The following NT5C1A variants were observed in gnomAD, a reference collection of about 807,000 sequenced individuals.
NT5C1A encodes 5'-nucleotidase, cytosolic IA.
A neutral mutation model predicts 31.0 loss-of-function variants in NT5C1A; 18 were observed. The ratio of observed to expected loss-of-function variants is 0.58; its 90% CI spans 0.40 to 0.86. NT5C1A has a LOEUF of 0.86. NT5C1A is among the 40% of genes least tolerant of loss of function. The probability of loss-of-function intolerance (pLI) is 0.00; values close to 1 mark genes in which losing one functional copy is unlikely to be tolerated. For missense variants in NT5C1A, 470 were observed against 505.4 expected (o/e 0.93, Z 0.67); for synonymous variants, 185 against 203.6 (o/e 0.91, Z 0.78).
At chr1:39,664,490 CCTCCT>C (rs1646509715) in intron 3 of NT5C1A, among the ~76,000 whole-genome samples, 6 of 2,882 alleles carry the variant, frequency 2.1e-3, no homozygotes, top group East Asian at 8.1e-3. Flanking sequence ...GTGGATTTCT[CCTCCT>C]CTCCTCTCCT....
intron 1 of NT5C1A, among the ~76,000 whole-genome samples, chr1:39,666,848 G>T (rs1646526687): frequency 6.6e-6 from 1 of 152,162 alleles, no homozygotes; most frequent in Non-Finnish European, 1.5e-5. Flanking sequence ...ACTCATTACT[G>T]AAGCAGAAGC....
Position 39,652,118 on chromosome 1 carries a change from C to G in NT5C1A, c.*7003G>C, listed in dbSNP as rs899196312. Among the ~76,000 whole-genome samples the G allele has an allele frequency of 2.1e-5, 3 of 141,494 alleles. No individual in the cohort carries two copies. The highest frequency in any genetic ancestry group is 7.7e-5 in the African/African-American group (3 of 38,916). The allele number at this position is 141,494 out of a possible 152,430, so 92.8% of individuals were successfully genotyped here. A position where few individuals can be genotyped will look rare whatever the true frequency, so the allele number is the denominator to read the frequency against. The stretch of plus-strand genomic sequence containing the variant: ...ACACACAAAGGCTGAGCTAGGTCAT[C>G]TCTGAGGTCTCTTAAATATCCATCA... On this transcript the variant is annotated 3_prime_UTR_variant, in exon 6 of 6. Transcript: ENST00000235628.
intron 5 of NT5C1A, among the ~76,000 whole-genome samples, chr1:39,660,231 C>A (rs896507905): frequency 6.6e-6 from 1 of 152,164 alleles, no homozygotes; most frequent in Non-Finnish European, 1.5e-5. Flanking sequence ...AGAGGCAACT[C>A]GCAAGAACAG....
intron 1 of NT5C1A, among the ~76,000 whole-genome samples, chr1:39,668,525 G>A (rs555801135): frequency 4.6e-5 from 7 of 152,214 alleles, no homozygotes; most frequent in Admixed American, 3.3e-4. Context: ...TTCCAGATGG[G>A]GAAACAGGCC....
rs149348976 is a variant in NT5C1A, at chr1:39,667,393, G to A, written c.136-1157C>T. On this transcript the variant is annotated intron_variant, in intron 1 of 5. Transcript: ENST00000235628. ...CTGGACCTTTATAGTCCCTAGGGAGGATCAGAATATGAGTGCCCAAGGGAT... is the reference window on the plus strand; with the variant it reads ...CTGGACCTTTATAGTCCCTAGGGAGAATCAGAATATGAGTGCCCAAGGGAT... Among the ~76,000 whole-genome samples, 235 of 152,072 alleles carry A rather than the reference G, an allele frequency of 1.5e-3. 2 individuals carry two copies. The highest frequency in any genetic ancestry group is 5.3e-3 in the African/African-American group (221 of 41,462).
intron 2 of NT5C1A, 120 bp downstream of exon 2, chr1:39,665,949 A>T: frequency 1.1e-6 from 1 of 925,150 alleles, no homozygotes; most frequent in Non-Finnish European, 1.6e-6. Flanking sequence ...CAAGCTGTGT[A>T]CCTGTGTGGT....
At chr1:39,663,165 A>T in intron 4 of NT5C1A, 147 bp downstream of exon 4, 1 of 850,966 alleles carries the variant, frequency 1.2e-6, no homozygotes, top group Non-Finnish European at 1.9e-6. Context: ...AGGACAGATT[A>T]TAAGAATTAA....
chr1:39,653,268 A>G lies in NT5C1A; in HGVS notation c.*5853T>C, dbSNP rs80094879. Reference sequence around the variant, plus strand: ...GTGGCCCCCAAGCTGCACATACGCAAATGCCCATGTTATGATGGAAATGGG... The same window carrying G: ...GTGGCCCCCAAGCTGCACATACGCAGATGCCCATGTTATGATGGAAATGGG... On this transcript the variant is annotated 3_prime_UTR_variant, in exon 6 of 6. Coordinates refer to ENST00000235628, the MANE Select transcript of NT5C1A (RefSeq NM_032526.3). Among the ~76,000 whole-genome samples the G allele has an allele frequency of 0.014, 2,150 of 151,946 alleles. 51 individuals are homozygous for G. The highest frequency in any genetic ancestry group is 0.048 in the African/African-American group (1,967 of 41,402).
At chr1:39,663,476 C>A (rs1260214653) in intron 3 of NT5C1A, 42 bp from the exon 4 acceptor site, 3 of 1,610,450 alleles carry the variant, frequency 1.9e-6, no homozygotes, top group East Asian at 2.2e-5. Flanking sequence ...CAGGGTCAAC[C>A]CTGGGCTTCA....
chr1:39,664,116 T>G (rs1254818779), intron 3 of NT5C1A, among the ~76,000 whole-genome samples: 1 of 152,136 alleles, frequency 6.6e-6, no homozygotes, highest in African/African-American at 2.4e-5. Context: ...AAACCAGGCC[T>G]GGTAAACCTA....
intron 5 of NT5C1A, among the ~76,000 whole-genome samples, chr1:39,659,854 C>T (rs1646484241): frequency 6.6e-6 from 1 of 152,138 alleles, no homozygotes; most frequent in Non-Finnish European, 1.5e-5. Flanking sequence ...TGGGCGCCCT[C>T]CAATCAGAAT....
In NT5C1A at chr1:39,659,254, A is replaced by T; in HGVS notation, c.974T>A (p.Ile325Asn). ...ATGGAACATCTGGTCATCAAAGAAGATGTGTGGGCGGATCTTCTCAAGGAG... is the reference window on the plus strand; with the variant it reads ...ATGGAACATCTGGTCATCAAAGAAGTTGTGTGGGCGGATCTTCTCAAGGAG... ...GPLLEKIRPH[I>N]FFDDQMFHVA... The change falls in exon 6 of 6, where the codon ATC becomes AAC. Residue 325 changes from isoleucine to asparagine, a missense_variant. Coordinates refer to ENST00000235628, the MANE Select transcript of NT5C1A (RefSeq NM_032526.3). 6.2e-7 allele frequency: 1 copy of T among 1,614,118 alleles called. No individual in the cohort carries two copies. The highest frequency in any genetic ancestry group is 2.2e-5 in the East Asian group (1 of 44,884).
At chr1:39,669,505 G>T (rs915089568) in intron 1 of NT5C1A, among the ~76,000 whole-genome samples, 23 of 152,168 alleles carry the variant, frequency 1.5e-4, no homozygotes, top group Non-Finnish European at 1.5e-4. Context: ...CCCAGGCCAG[G>T]CCATGATGGG....
At position 39,661,224 on chromosome 1, in the gene NT5C1A, A is replaced by C. The variant is rs770623722; in HGVS notation, c.596T>G (p.Val199Gly). ...GCGCAGCTGACTCTGGGACACAACC[A>C]CATCCCTGCTGGGGCTGAAGATGGT... ...AATIFSPSRD[V>G]VVSQSQLRVA... Residue 199 changes from valine to glycine, a missense_variant, in exon 5 of 6, where the codon GTG (valine) becomes GGG (glycine). By Grantham distance (109) the Val-to-Gly change is moderately radical (BLOSUM62 -3). Transcript: ENST00000235628. 4.4e-6 allele frequency: 7 copies of C among 1,593,098 alleles called. No homozygotes were observed. The East Asian group carries it at 1.6e-4, about 36-fold the overall frequency.
intron 4 of NT5C1A, among the ~76,000 whole-genome samples, chr1:39,661,586 G>C (rs1229570558): frequency 1.3e-5 from 2 of 152,200 alleles, no homozygotes; most frequent in Non-Finnish European, 2.9e-5. Context: ...TTACCAACCA[G>C]GGTGAAGGAA....
intron 3 of NT5C1A, among the ~76,000 whole-genome samples, chr1:39,664,487 T>TCTCCTCCTC (rs202246374): frequency 2.8e-3 from 4 of 1,448 alleles, no homozygotes; most frequent in East Asian, 9.1e-3. Flanking sequence ...AGAGTGGATT[T>TCTCCTCCTC]CTCCTCCTCT....
At chr1:39,668,225 T>C (rs944175452) in intron 1 of NT5C1A, among the ~76,000 whole-genome samples, 5 of 152,180 alleles carry the variant, frequency 3.3e-5, no homozygotes, top group Non-Finnish European at 7.4e-5. Flanking sequence ...CTGAGCTTGC[T>C]CCACCCACTG....
chr1:39,660,986 G>C, intron 5 of NT5C1A, 93 bp downstream of exon 5: 1 of 693,438 alleles, frequency 1.4e-6, no homozygotes. Context: ...CTGAGCCTGG[G>C]GTTTGTTTGC....
Position 39,654,204 on chromosome 1 carries a change from G to A in NT5C1A, c.*4917C>T, listed in dbSNP as rs922005240. Among the ~76,000 whole-genome samples the A allele has an allele frequency of 6.6e-6, 1 of 152,082 alleles. No individual in the cohort carries two copies. The highest frequency in any genetic ancestry group is 2.4e-5 in the African/African-American group (1 of 41,346). On this transcript the variant is annotated 3_prime_UTR_variant, in exon 6 of 6. Transcript: ENST00000235628. ...ATTATGAGGGGTATTTGTGTTTATT[G>A]CTCACGTGCCTTCATGCCACAAGAA...
Sources: allele counts gnomAD v4.1 joint callset (sites outside exome capture counted in the v4.1 genomes callset), GRCh38; gene constraint gnomAD v4.1.1; transcripts MANE v1.5; gene names NCBI Gene and HGNC (gene_info 2026-07-23, HGNC 2026-07-21).